The following ATP9A variants were observed in gnomAD, a reference collection of about 807,000 sequenced individuals.
ATP9A encodes the protein ATPase phospholipid transporting 9A.
A neutral mutation model predicts 144.1 loss-of-function variants in ATP9A; 52 were observed. The ratio of observed to expected loss-of-function variants is 0.36; its 90% CI spans 0.29 to 0.45. The LOEUF is 0.45. ATP9A is among the 20% of genes least tolerant of loss of function. The pLI, the probability that ATP9A is intolerant of heterozygous loss-of-function variation, is 1.00. For synonymous variants in ATP9A, 582 were observed against 557.4 expected (o/e 1.04, Z -0.62); for missense variants, 947 against 1,392.7 (o/e 0.68, Z 5.09).
At chr20:51,697,503 G>C in intron 4 of ATP9A, 21 bp from the exon 5 acceptor site, 4 of 1,611,170 alleles carry the variant, frequency 2.5e-6, no homozygotes, top group Non-Finnish European at 3.4e-6. Flanking sequence ...GCAGGTTCAA[G>C]ATACATCACC....
chr20:51,754,465 T>C (rs2077847366), intron 1 of ATP9A, among the ~76,000 whole-genome samples: 1 of 151,412 alleles, frequency 6.6e-6, no homozygotes, highest in South Asian at 2.1e-4. Flanking sequence ...ATTGCGCCAT[T>C]GCACTCTGGC....
chr20:51,637,590 G>A (rs1309658129), intron 15 of ATP9A, among the ~76,000 whole-genome samples: 2 of 152,102 alleles, frequency 1.3e-5, no homozygotes, highest in African/African-American at 4.8e-5. Flanking sequence ...GGCTGAAGGA[G>A]AAGTTCACAA....
intron 1 of ATP9A, among the ~76,000 whole-genome samples, chr20:51,733,915 C>A (rs917016479): frequency 6.6e-6 from 1 of 152,016 alleles, no homozygotes; most frequent in African/African-American, 2.4e-5. Flanking sequence ...CTCAAGCCAT[C>A]CTCCCACCTT....
intron 26 of ATP9A, among the ~76,000 whole-genome samples, chr20:51,606,883 G>C (rs2122707216): frequency 6.6e-6 from 1 of 151,514 alleles, no homozygotes; most frequent in Non-Finnish European, 1.5e-5. Context: ...CCGCCACCCA[G>C]GGTCTCACTC....
chr20:51,725,787 G>A, intron 3 of ATP9A, 32 bp downstream of exon 3: 1 of 1,419,184 alleles, frequency 7.0e-7, no homozygotes, highest in South Asian at 1.1e-5. Context: ...AAACCTCTAA[G>A]GTTACTGAAC....
Position 51,755,265 on chromosome 20 carries a change from G to A in ATP9A, c.68+13037C>T, listed in dbSNP as rs146265698. On this transcript the variant is annotated intron_variant, in intron 1 of 27. Coordinates refer to ENST00000338821, the MANE Select transcript of ATP9A (RefSeq NM_006045.3). ...AGCCTGACCAACATGGTAAAACCCC[G>A]TCTCCACTAAAAATACAAAAATTAG... Among the ~76,000 whole-genome samples, 528 of 151,604 alleles carry A rather than the reference G, an allele frequency of 3.5e-3. 9 individuals are homozygous for A. The highest frequency in any genetic ancestry group is 0.012 in the African/African-American group (488 of 41,318).
At chr20:51,730,242 G>A (rs1198593893) in intron 1 of ATP9A, among the ~76,000 whole-genome samples, 1 of 152,200 alleles carries the variant, frequency 6.6e-6, no homozygotes, top group Non-Finnish European at 1.5e-5. Context: ...GCCGAGGTGG[G>A]CAGACCACAA....
intron 10 of ATP9A, among the ~76,000 whole-genome samples, chr20:51,675,513 A>G (rs6021370): frequency 0.27 from 41,303 of 152,088 alleles, 6,703 homozygotes; most frequent in African/African-American, 0.45. Flanking sequence ...GCTGTTATGA[A>G]GATGAAATGA....
At chr20:51,692,257 T>C (rs965938400) in intron 7 of ATP9A, among the ~76,000 whole-genome samples, 2 of 152,354 alleles carry the variant, frequency 1.3e-5, no homozygotes, top group Middle Eastern at 3.4e-3. Context: ...TTTTATGTTA[T>C]GTGTATTTTA....
At chr20:51,668,992 T>C (rs1017066854) in intron 13 of ATP9A, among the ~76,000 whole-genome samples, 9 of 152,316 alleles carry the variant, frequency 5.9e-5, no homozygotes, top group African/African-American at 2.2e-4. Context: ...TTACTGGTCT[T>C]CTGACTATGG....
chr20:51,640,007 A>G lies in ATP9A; in HGVS notation c.1507-503T>C, dbSNP rs151325657. ...AGGCTGAGGCAGGAGAATCGCTTGA[A>G]CCCAGGAGGCAGAGATGCAGTGAGC... On this transcript the variant is annotated intron_variant, in intron 14 of 27. Coordinates refer to ENST00000338821, the MANE Select transcript of ATP9A (RefSeq NM_006045.3). Among the ~76,000 whole-genome samples, 135 of 151,994 alleles carry G rather than the reference A, an allele frequency of 8.9e-4. 1 individual carries two copies. The highest frequency in any genetic ancestry group is 3.1e-3 in the African/African-American group (127 of 41,434).
chr20:51,637,374 CTG>C, intron 15 of ATP9A, among the ~76,000 whole-genome samples: 1 of 146,058 alleles, frequency 6.8e-6, no homozygotes, highest in Non-Finnish European at 1.5e-5. Flanking sequence ...TCGGCACTGA[CTG>C]TGAGTCTACC....
chr20:51,624,129 C>T (rs2077238132), intron 18 of ATP9A, among the ~76,000 whole-genome samples: 1 of 152,222 alleles, frequency 6.6e-6, no homozygotes, highest in Non-Finnish European at 1.5e-5. Context: ...AGCAAGGTCC[C>T]GTTGGTGATT....
chr20:51,651,837 A>G (rs1189614228), intron 14 of ATP9A, among the ~76,000 whole-genome samples: 3 of 152,114 alleles, frequency 2.0e-5, no homozygotes, highest in Admixed American at 2.0e-4. Context: ...GCTGAGGCAG[A>G]AGAATGGTTT....
At chr20:51,650,615 T>C (rs550394178) in intron 14 of ATP9A, among the ~76,000 whole-genome samples, 10 of 152,258 alleles carry the variant, frequency 6.6e-5, no homozygotes, top group African/African-American at 1.9e-4. Context: ...AAGAATTATC[T>C]CTGCAAGTAT....
At chr20:51,744,995 G>C (rs552442161) in intron 1 of ATP9A, among the ~76,000 whole-genome samples, 2 of 151,828 alleles carry the variant, frequency 1.3e-5, no homozygotes, top group Admixed American at 1.3e-4. Flanking sequence ...CTGGGCATGG[G>C]CCGGGTGCAG....
intron 19 of ATP9A, 73 bp from the exon 20 acceptor site, chr20:51,619,116 G>C (rs1228475965): frequency 7.2e-7 from 1 of 1,380,660 alleles, no homozygotes; most frequent in Non-Finnish European, 1.0e-6. Flanking sequence ...GTGGCTTCCA[G>C]GAGCCCACAT....
intron 1 of ATP9A, among the ~76,000 whole-genome samples, chr20:51,746,994 A>C (rs540341331): frequency 3.3e-5 from 5 of 152,228 alleles, no homozygotes; most frequent in African/African-American, 1.2e-4. Flanking sequence ...CAACAGAGCG[A>C]GACTCCGTCT....
chr20:51,667,494 G>C (rs895353058), intron 13 of ATP9A, among the ~76,000 whole-genome samples: 1 of 152,188 alleles, frequency 6.6e-6, no homozygotes, highest in African/African-American at 2.4e-5. Flanking sequence ...GGGGTTGGTG[G>C]CTCCGAGGGA....
Sources: gnomAD v4.1 joint callset for allele counts (sites outside exome capture counted in the v4.1 genomes callset) on GRCh38, gnomAD v4.1.1 for gene constraint, MANE v1.5 for transcripts, NCBI Gene and HGNC (gene_info 2026-07-23, HGNC 2026-07-21) for gene names.